Variants in RBM43 observed in about 807,000 individuals in gnomAD.
The protein encoded by RBM43 is RNA-binding protein 43.
RBM43 carries 12 observed loss-of-function variants against 12.4 expected under a neutral mutation model. The ratio of observed to expected loss-of-function variants is 0.97; its 90% CI spans 0.62 to 1.57. RBM43 has a LOEUF of 1.57. Ranked by LOEUF, RBM43 falls within the 40% of genes most tolerant of loss-of-function variation. RBM43 has a pLI of 0.00. For missense variants in RBM43, 348 were observed against 400.1 expected, an observed-to-expected ratio of 0.87 and a Z score of 1.11; for synonymous variants, 138 against 145.7, an observed-to-expected ratio of 0.95 and a Z score of 0.38.
At chr2:151,257,055 T>C (rs1682984184) in intron 1 of RBM43, among the ~76,000 whole-genome samples, 1 of 152,208 alleles carries the variant, frequency 6.6e-6, no homozygotes, top group South Asian at 2.1e-4. Flanking sequence ...CTTTAATTTG[T>C]CCCTCAGCCT....
At position 151,251,325 on chromosome 2, in the gene RBM43, T is replaced by C; in HGVS notation, c.655A>G (p.Met219Val). The change falls in exon 4 of 4, where the codon ATG becomes GTG. Residue 219 changes from methionine (M) to valine (V), a missense_variant. By Grantham distance (21) the Met-to-Val change is conservative. Transcript: ENST00000331426. ...LVPETARSGEMLVLDTDVFLY... is the reference protein window; with the variant it reads ...LVPETARSGEVLVLDTDVFLY... ...AAAACATCTGTGTCAAGCACAAGCA[T>C]TTCTCCACTTCTAGCAGTCTCAGGT... 1.2e-6 allele frequency: 2 copies of C among 1,614,104 alleles called. No individual in the cohort carries two copies. The highest frequency in any genetic ancestry group is 2.2e-5 in the South Asian group (2 of 91,072).
chr2:151,250,910 C>T lies in RBM43; in HGVS notation c.1070G>A (p.Ser357Asn). The change falls in exon 4 of 4, where the codon AGT becomes AAT. Residue 357 changes from serine (S) to asparagine (N), a missense_variant. By Grantham distance (46) the Ser-to-Asn change is conservative. Coordinates refer to ENST00000331426, the MANE Select transcript of RBM43 (RefSeq NM_198557.3). ...GVMKLIGQKV[S>N] is the part of the protein sequence containing the mutation. ...GACTATATTGCTGAGATTTTATTAA[C>T]TAACCTTTTGCCCTATTAATTTCAT... 1 of 1,584,634 alleles carries T rather than the reference C, an allele frequency of 6.3e-7. No individual in the cohort carries two copies. Among genetic ancestry groups the T allele is most frequent in the Non-Finnish European group, 8.6e-7 (1 of 1,165,806 alleles).
intron 1 of RBM43, among the ~76,000 whole-genome samples, chr2:151,259,079 G>T (rs2105193729): frequency 6.6e-6 from 1 of 150,950 alleles, no homozygotes; most frequent in South Asian, 2.1e-4. Context: ...GGAGGTAGAG[G>T]TTATAGTGAG....
chr2:151,260,148 C>G (rs1177563846), intron 1 of RBM43, among the ~76,000 whole-genome samples: 1 of 148,490 alleles, frequency 6.7e-6, no homozygotes, highest in Non-Finnish European at 1.5e-5. Context: ...TTTTTTTAGA[C>G]AGCGCCTCGC....
Position 151,261,854 on chromosome 2 carries a change from G to A in RBM43, c.-127C>T. The A allele has an allele frequency of 1.8e-6, 2 of 1,123,200 alleles. No individual in the cohort carries two copies. The highest frequency in any genetic ancestry group is 1.3e-6 in the Non-Finnish European group (1 of 786,214). 69.6% of individuals were successfully genotyped at this position (1,123,200 alleles called of 1,614,324 possible). A position where few individuals can be genotyped will look rare whatever the true frequency, so the allele number is the denominator to read the frequency against. ...TTGTTCCAGCTCCCTTGGAGGCTACGAAGAAAAGGGCGGTCCTTCCACCCG... is the reference window on the plus strand; with the variant it reads ...TTGTTCCAGCTCCCTTGGAGGCTACAAAGAAAAGGGCGGTCCTTCCACCCG... On this transcript the variant is annotated 5_prime_UTR_variant, in exon 1 of 4. Transcript: ENST00000331426.
intron 1 of RBM43, among the ~76,000 whole-genome samples, chr2:151,260,599 T>C (rs1445564871): frequency 1.3e-5 from 2 of 152,258 alleles, no homozygotes; most frequent in East Asian, 1.9e-4. Context: ...ATGTAAATTT[T>C]GTTTGGTAAG....
At chr2:151,261,315 C>T in intron 1 of RBM43, 1 of 1,550,628 alleles carries the variant, frequency 6.4e-7, no homozygotes, top group Non-Finnish European at 8.7e-7. Flanking sequence ...GCTAATCAGG[C>T]CACTTTTGTT....
intron 1 of RBM43, among the ~76,000 whole-genome samples, chr2:151,260,735 G>A (rs1683035412): frequency 6.6e-6 from 1 of 152,138 alleles, no homozygotes; most frequent in African/African-American, 2.4e-5. Flanking sequence ...GGTCAATTAT[G>A]AATAATGAGG....
chr2:151,258,232 T>C (rs1263665508), intron 1 of RBM43, among the ~76,000 whole-genome samples: 1 of 152,072 alleles, frequency 6.6e-6, no homozygotes, highest in Non-Finnish European at 1.5e-5. Flanking sequence ...AACCAAGGGT[T>C]TGTTGACAGG....
intron 1 of RBM43, among the ~76,000 whole-genome samples, chr2:151,256,935 T>C: frequency 6.6e-6 from 1 of 152,226 alleles, no homozygotes; most frequent in Non-Finnish European, 1.5e-5. Flanking sequence ...GTACACACTA[T>C]TGCAGACCCT....
chr2:151,256,706 C>T (rs535930529), intron 1 of RBM43, among the ~76,000 whole-genome samples: 6 of 152,272 alleles, frequency 3.9e-5, no homozygotes, highest in Admixed American at 1.3e-4. Flanking sequence ...GTAATCCCAG[C>T]TACTCATGAA....
At chr2:151,255,282 G>A (rs1682956451) in intron 2 of RBM43, among the ~76,000 whole-genome samples, 1 of 152,014 alleles carries the variant, frequency 6.6e-6, no homozygotes, top group South Asian at 2.1e-4. Flanking sequence ...GGGCGTGATG[G>A]CAGGCGCCTC....
At chr2:151,261,491 G>A (rs928274251) in intron 1 of RBM43, 36 of 1,550,340 alleles carry the variant, frequency 2.3e-5, no homozygotes, top group Non-Finnish European at 3.1e-5. Context: ...TGAATTTCAG[G>A]AGCGCGCAAT....
intron 1 of RBM43, among the ~76,000 whole-genome samples, chr2:151,257,804 T>C (rs1241825985): frequency 6.6e-6 from 1 of 152,062 alleles, no homozygotes; most frequent in Non-Finnish European, 1.5e-5. Context: ...GCGTGGTGGC[T>C]CACGCCTGTA....
rs1048232287 is a variant in RBM43, at chr2:151,248,993, G to C, written c.*1913C>G. On this transcript the variant is annotated 3_prime_UTR_variant, in exon 4 of 4. Transcript: ENST00000331426. ...TACCCAACAGATCTACCAAACAAGAGGGGGAAAGACCTCTCCCTAATCATA... is the reference window on the plus strand; with the variant it reads ...TACCCAACAGATCTACCAAACAAGACGGGGAAAGACCTCTCCCTAATCATA... 1 of 152,174 alleles carries C rather than the reference G, an allele frequency of 6.6e-6. No homozygotes were observed. Among genetic ancestry groups the C allele is most frequent in the African/African-American group, 2.4e-5 (1 of 41,438 alleles). 9.4% of individuals were successfully genotyped at this position (152,174 alleles called of 1,614,324 possible). A position where few individuals can be genotyped will look rare whatever the true frequency, so the allele number is the denominator to read the frequency against.
intron 1 of RBM43, chr2:151,261,348 A>G (rs1410374595): frequency 6.4e-7 from 1 of 1,550,476 alleles, no homozygotes; most frequent in Non-Finnish European, 8.7e-7. Context: ...TGGGAGGACA[A>G]CAGTTAAGCC....
At chr2:151,261,530 C>G in intron 1 of RBM43, 195 bp downstream of exon 1, 1 of 1,547,542 alleles carries the variant, frequency 6.5e-7, no homozygotes. Context: ...TGCAGCGAGG[C>G]TGACCTGAGT....
At chr2:151,252,348 C>A (rs944741365) in intron 3 of RBM43, among the ~76,000 whole-genome samples, 1 of 151,952 alleles carries the variant, frequency 6.6e-6, no homozygotes, top group African/African-American at 2.4e-5. Context: ...CATAGGGACA[C>A]CCTGTCTCTA....
At chr2:151,252,649 C>T in intron 3 of RBM43, 106 bp downstream of exon 3, 2 of 625,438 alleles carry the variant, frequency 3.2e-6, no homozygotes, top group South Asian at 5.1e-5. Flanking sequence ...ATTTTCCTTC[C>T]TAGAAGTCAT....
Sources: allele counts gnomAD v4.1 joint callset (sites outside exome capture counted in the v4.1 genomes callset), GRCh38; gene constraint gnomAD v4.1.1; transcripts MANE v1.5; gene names NCBI Gene and HGNC (gene_info 2026-07-23, HGNC 2026-07-21).